The following LGR4 variants were observed in gnomAD, a reference collection of about 807,000 sequenced individuals.
LGR4 encodes the protein leucine rich repeat containing G protein-coupled receptor 4, also known as leucine-rich repeat-containing G protein-coupled receptor 4.
A neutral mutation model predicts 84.8 loss-of-function variants in LGR4; 44 were observed. The ratio of observed to expected loss-of-function variants is 0.52; its 90% CI spans 0.41 to 0.67. The LOEUF is 0.67. Among genes scored for constraint, LGR4 ranks in the 30% least tolerant of loss-of-function variants. The probability of loss-of-function intolerance (pLI) is 0.00; values close to 1 mark genes in which losing one functional copy is unlikely to be tolerated. For synonymous variants in LGR4, 429 were observed against 434.3 expected (o/e 0.99, Z 0.15); for missense variants, 1,032 against 1,131.4 (o/e 0.91, Z 1.26).
intron 3 of LGR4, among the ~76,000 whole-genome samples, chr11:27,391,563 C>A (rs1863285481): frequency 6.6e-6 from 1 of 152,060 alleles, no homozygotes; most frequent in African/African-American, 2.4e-5. Flanking sequence ...AATGCCTTTT[C>A]AAATTGGAAT....
At chr11:27,391,689 GAAAT>G (rs33959185) in intron 3 of LGR4, among the ~76,000 whole-genome samples, 78,489 of 151,770 alleles carry the variant, frequency 0.52, 22,598 homozygotes, top group East Asian at 0.87. Flanking sequence ...GGCCAGAAGA[GAAAT>G]AGAGCTTTGA....
At chr11:27,436,417 G>A (rs1047044509) in intron 1 of LGR4, among the ~76,000 whole-genome samples, 4 of 151,672 alleles carry the variant, frequency 2.6e-5, no homozygotes, top group African/African-American at 4.8e-5. Context: ...AGGGGAGGAA[G>A]GAAGGAAAGA....
In LGR4 at chr11:27,385,512, G is replaced by A. The variant is rs1418230222; in HGVS notation, c.402-44C>T. ...ACCATGTTCAGTAACAAATTCTAGT[G>A]AAATGAGTCAGTTCAAGTCTCACAA... On this transcript the variant is annotated intron_variant, in intron 4 of 17. Coordinates refer to ENST00000379214, the MANE Select transcript of LGR4 (RefSeq NM_018490.5). 3.1e-6 allele frequency: 4 copies of A among 1,289,922 alleles called. No individual in the cohort carries two copies. The African/African-American group carries it at 5.9e-5, about 19-fold the overall frequency. The allele number at this position is 1,289,922 out of a possible 1,614,324, so 79.9% of individuals were successfully genotyped here.
Position 27,392,378 on chromosome 11 carries a change from C to G in LGR4, c.329+69G>C, listed in dbSNP as rs79594419. 4,657 of 1,229,824 alleles carry G rather than the reference C, an allele frequency of 3.8e-3. 155 individuals carry two copies. The African/African-American group carries it at 0.065, about 17-fold the overall frequency. 76.2% of individuals were successfully genotyped at this position (1,229,824 alleles called of 1,614,324 possible). On this transcript the variant is annotated intron_variant, in intron 3 of 17. Coordinates refer to ENST00000379214, the MANE Select transcript of LGR4 (RefSeq NM_018490.5). ...AAAAGAAACTGTGCTTAACCTAGTT[C>G]CAAGCATGTTGACTACGCAGAAAGA...
chr11:27,392,972 C>G (rs1863315126), intron 2 of LGR4, among the ~76,000 whole-genome samples: 1 of 152,088 alleles, frequency 6.6e-6, no homozygotes, highest in African/African-American at 2.4e-5. Context: ...TAACCAAGGG[C>G]AGCATATCCA....
In LGR4 at chr11:27,367,855, A is replaced by G; in HGVS notation, c.*12T>C. ...TTTGGTTGACGGGGGAAACGGTTAC[A>G]CACACAGTAGTTCAGTCTTTAACTC... On this transcript the variant is annotated 3_prime_UTR_variant, in exon 18 of 18. Coordinates refer to ENST00000379214, the MANE Select transcript of LGR4 (RefSeq NM_018490.5). The G allele has an allele frequency of 6.4e-7, 1 of 1,559,072 alleles. No individual in the cohort carries two copies. The highest frequency in any genetic ancestry group is 1.4e-5 in the African/African-American group (1 of 72,588).
At chr11:27,395,833 A>C (rs1436152078) in intron 2 of LGR4, among the ~76,000 whole-genome samples, 1 of 152,206 alleles carries the variant, frequency 6.6e-6, no homozygotes, top group East Asian at 1.9e-4. Context: ...CACCCGCCAG[A>C]AGCTCTTCAC....
At chr11:27,427,255 T>C (rs997193860) in intron 1 of LGR4, among the ~76,000 whole-genome samples, 4 of 152,188 alleles carry the variant, frequency 2.6e-5, no homozygotes, top group South Asian at 4.1e-4. Context: ...ATATCTTTAT[T>C]GGCATGATGA....
intron 1 of LGR4, among the ~76,000 whole-genome samples, chr11:27,467,521 C>T (rs1370019055): frequency 4.0e-5 from 6 of 148,530 alleles, no homozygotes; most frequent in Admixed American, 6.8e-5. Flanking sequence ...GAGCCGAGGT[C>T]GTGCCACTGC....
chr11:27,407,164 T>C (rs1015999961), intron 2 of LGR4, among the ~76,000 whole-genome samples: 17 of 152,142 alleles, frequency 1.1e-4, no homozygotes, highest in African/African-American at 4.1e-4. Flanking sequence ...TATGGCTAGA[T>C]AAGGAAATTT....
Position 27,472,196 on chromosome 11 carries a change from T to C in LGR4, c.107A>G (p.Asp36Gly). Reference sequence around the variant, plus strand: ...GGAGCAGTCCACCCGACGGTCGCCGTCGCAGCTGCAGGGCGCCGCGCAGAG... The same window carrying C: ...GGAGCAGTCCACCCGACGGTCGCCGCCGCAGCTGCAGGGCGCCGCGCAGAG... ...PPLCAAPCSC[D>G]GDRRVDCSGK... The change falls in exon 1 of 18, where the codon GAC (aspartate) becomes GGC (glycine). Residue 36 changes from aspartate (D) to glycine (G), a missense_variant. Transcript: ENST00000379214. 1 of 1,275,310 alleles carries C rather than the reference T, an allele frequency of 7.8e-7. No individual in the cohort carries two copies. 79.0% of individuals were successfully genotyped at this position (1,275,310 alleles called of 1,614,324 possible). A position where few individuals can be genotyped will look rare whatever the true frequency, so the allele number is the denominator to read the frequency against.
chr11:27,369,826 G>A (rs1862847172), intron 17 of LGR4, among the ~76,000 whole-genome samples: 1 of 152,144 alleles, frequency 6.6e-6, no homozygotes, highest in Non-Finnish European at 1.5e-5. Flanking sequence ...GGTTAAGACA[G>A]TATAATTATC....
chr11:27,378,742 C>T lies in LGR4; in HGVS notation c.998G>A (p.Ser333Asn). 1 of 1,612,104 alleles carries T rather than the reference C, an allele frequency of 6.2e-7. No homozygotes were observed. The highest frequency in any genetic ancestry group is 8.5e-7 in the Non-Finnish European group (1 of 1,178,844). The change falls in exon 11 of 18, where the codon AGC becomes AAC. Residue 333 changes from serine to asparagine, a missense_variant. Transcript: ENST00000379214. ...TTCTTGACACAAATTATTAGGTATG[C>T]TGCTTATCTTTGTACCTGTCAAAGT... ...SLTLTGTKISSIPNNLCQEQK... is the reference protein window; with the variant it reads ...SLTLTGTKISNIPNNLCQEQK...
chr11:27,401,108 CA>C, intron 2 of LGR4, among the ~76,000 whole-genome samples: 1 of 152,248 alleles, frequency 6.6e-6, no homozygotes, highest in South Asian at 2.1e-4. Flanking sequence ...TGGAAATTCT[CA>C]AGGTTTTAGA....
chr11:27,391,978 C>A (rs1863294636), intron 3 of LGR4, among the ~76,000 whole-genome samples: 1 of 152,164 alleles, frequency 6.6e-6, no homozygotes, highest in Non-Finnish European at 1.5e-5. Flanking sequence ...GGCTCCTGAC[C>A]ACTGCCAAGA....
intron 1 of LGR4, among the ~76,000 whole-genome samples, chr11:27,443,588 C>T (rs988856852): frequency 3.9e-5 from 6 of 152,088 alleles, no homozygotes; most frequent in Non-Finnish European, 7.3e-5. Context: ...TGAATCCATA[C>T]GCAAGGAGCT....
At position 27,433,919 on chromosome 11, in the gene LGR4, G is replaced by T. The variant is rs190273807; in HGVS notation, c.186-21059C>A. Reference sequence around the variant, plus strand: ...TCTAGTTTCTCTTCTGTGATGTGAGGTCGGCATGGCATGCAAAGCCTTCCC... The same window carrying T: ...TCTAGTTTCTCTTCTGTGATGTGAGTTCGGCATGGCATGCAAAGCCTTCCC... On this transcript the variant is annotated intron_variant, in intron 1 of 17. Transcript: ENST00000379214. 2.2e-4 allele frequency among the ~76,000 whole-genome samples: 34 copies of T among 152,284 alleles called. 1 individual carries two copies. In the East Asian group the frequency reaches 6.4e-3, roughly 29 times the overall value.
intron 4 of LGR4, among the ~76,000 whole-genome samples, chr11:27,387,898 A>G (rs1038756891): frequency 5.3e-5 from 8 of 152,174 alleles, no homozygotes; most frequent in Non-Finnish European, 8.8e-5. Context: ...GTGCCTTTTT[A>G]ATATAAATTC....
At chr11:27,430,687 G>A (rs1008001392) in intron 1 of LGR4, among the ~76,000 whole-genome samples, 22 of 151,974 alleles carry the variant, frequency 1.4e-4, no homozygotes, top group African/African-American at 4.8e-4. Context: ...CCGGGACCAC[G>A]ACAGTAGCCT....
Sources: allele counts gnomAD v4.1 joint callset (sites outside exome capture counted in the v4.1 genomes callset), GRCh38; gene constraint gnomAD v4.1.1; transcripts MANE v1.5; gene names NCBI Gene and HGNC (gene_info 2026-07-23, HGNC 2026-07-21).